SMC1B: variants seen among roughly 807,000 people sequenced by gnomAD.
The protein encoded by SMC1B is structural maintenance of chromosomes 1B.
In SMC1B, 60 loss-of-function variants were observed where a neutral mutation model predicts 157.9. The ratio of observed to expected loss-of-function variants is 0.38; its 90% CI spans 0.31 to 0.47. The LOEUF (loss-of-function observed/expected upper bound fraction) is 0.47, where lower values mean the gene tolerates loss of function less well. SMC1B is among the 20% of genes least tolerant of loss of function. SMC1B has a pLI of 0.99. For synonymous variants in SMC1B, 445 were observed against 483.0 expected, an observed-to-expected ratio of 0.92 and a Z score of 1.03; for missense variants, 1,165 against 1,426.2, an observed-to-expected ratio of 0.82 and a Z score of 2.95.
At position 45,375,742 on chromosome 22, in the gene SMC1B, T is replaced by G. The variant is rs766761813; in HGVS notation, c.2059-3450A>C. On this transcript the variant is annotated intron_variant, in intron 12 of 24. Coordinates refer to ENST00000357450, the MANE Select transcript of SMC1B (RefSeq NM_148674.5). ...TCCTGCCTTTAATTCATTAATAGAT[T>G]ATGATGATCACTTAAACACCCTTGT... is the stretch of plus-strand genomic sequence containing the variant. 7.5e-4 allele frequency among the ~76,000 whole-genome samples: 114 copies of G among 152,172 alleles called. 1 individual carries two copies. The highest frequency in any genetic ancestry group is 2.6e-4 in the Non-Finnish European group (18 of 68,018).
intron 4 of SMC1B, among the ~76,000 whole-genome samples, chr22:45,405,392 C>CA (rs527788072): frequency 0.01 from 1,521 of 148,582 alleles, 17 homozygotes; most frequent in African/African-American, 0.034. Flanking sequence ...ACTAAAAATA[C>CA]AAAAAAAAAA....
At chr22:45,360,738 G>C (rs905857358) in intron 17 of SMC1B, among the ~76,000 whole-genome samples, 1 of 152,138 alleles carries the variant, frequency 6.6e-6, no homozygotes, top group African/African-American at 2.4e-5. Context: ...CAAAATCTTA[G>C]ACAAAGAACT....
In SMC1B at chr22:45,353,612, T is replaced by G. The variant is rs6006734; in HGVS notation, c.3273+366A>C. 7.3e-3 allele frequency among the ~76,000 whole-genome samples: 1,113 copies of G among 152,202 alleles called. 13 individuals are homozygous for G. The highest frequency in any genetic ancestry group is 0.026 in the African/African-American group (1,064 of 41,534). On this transcript the variant is annotated intron_variant, in intron 21 of 24. Coordinates refer to ENST00000357450, the MANE Select transcript of SMC1B (RefSeq NM_148674.5). ...CAGATGAACCATCTTCCCAGGATCC[T>G]CTATTATTCCACATTTACCACAGAA...
intron 15 of SMC1B, among the ~76,000 whole-genome samples, chr22:45,365,446 G>A (rs1038073693): frequency 1.3e-5 from 2 of 152,154 alleles, no homozygotes; most frequent in African/African-American, 4.8e-5. Flanking sequence ...GCTCACACCT[G>A]TAATCCCGGG....
chr22:45,374,317 T>A (rs2086864631), intron 12 of SMC1B, among the ~76,000 whole-genome samples: 1 of 151,996 alleles, frequency 6.6e-6, no homozygotes, highest in African/African-American at 2.4e-5. Context: ...GATGATCAAG[T>A]TGTCTCTAAT....
chr22:45,351,778 T>G (rs2086618004), intron 22 of SMC1B, among the ~76,000 whole-genome samples: 1 of 152,228 alleles, frequency 6.6e-6, no homozygotes, highest in Non-Finnish European at 1.5e-5. Flanking sequence ...ATCTGTACTT[T>G]AGATCTTCAT....
At chr22:45,358,844 A>G (rs1487933141) in intron 18 of SMC1B, 49 bp from the exon 19 acceptor site, 1 of 1,379,824 alleles carries the variant, frequency 7.2e-7, no homozygotes, top group Non-Finnish European at 1.0e-6. Flanking sequence ...TTGTTGTCTT[A>G]TATGGGAGTG....
chr22:45,352,738 G>A (rs2086627210), intron 21 of SMC1B, 136 bp from the exon 22 acceptor site: 2 of 847,058 alleles, frequency 2.4e-6, no homozygotes, highest in Non-Finnish European at 3.6e-6. Context: ...TATAAATAAT[G>A]TATTTAGTTC....
chr22:45,372,304 GA>G lies in SMC1B; in HGVS notation c.2059-13del. On this transcript the variant is annotated splice_polypyrimidine_tract_variant and intron_variant, in intron 12 of 24. Coordinates refer to ENST00000357450, the MANE Select transcript of SMC1B (RefSeq NM_148674.5). ...GTCTTCATTAAACCCTAAAAGGAAA[GA>G]AAAACATGAGAATATTTTATGATAG... 6.4e-7 allele frequency: 1 copy of G among 1,565,148 alleles called. No individual in the cohort carries two copies. The highest frequency in any genetic ancestry group is 8.6e-7 in the Non-Finnish European group (1 of 1,161,512).
intron 1 of SMC1B, among the ~76,000 whole-genome samples, chr22:45,409,315 G>C (rs2087300805): frequency 6.6e-6 from 1 of 152,132 alleles, no homozygotes; most frequent in Non-Finnish European, 1.5e-5. Context: ...TATAATCCTA[G>C]CACTTTGGCA....
At chr22:45,395,694 C>T (rs2087114919) in intron 7 of SMC1B, among the ~76,000 whole-genome samples, 1 of 152,102 alleles carries the variant, frequency 6.6e-6, no homozygotes, top group South Asian at 2.1e-4. Flanking sequence ...CCTGTCTCTA[C>T]TAAAAATACA....
intron 5 of SMC1B, among the ~76,000 whole-genome samples, chr22:45,401,526 A>T (rs1457182247): frequency 6.6e-6 from 1 of 152,264 alleles, no homozygotes; most frequent in Non-Finnish European, 1.5e-5. Context: ...CAGAATCTGC[A>T]TAATAAAAAA....
chr22:45,405,967 T>A (rs985509342), intron 4 of SMC1B, among the ~76,000 whole-genome samples: 1 of 152,324 alleles, frequency 6.6e-6, no homozygotes, highest in African/African-American at 2.4e-5. Flanking sequence ...TCTCTTCTAA[T>A]TGGTTGTGGA....
Position 45,345,639 on chromosome 22 carries a change from C to T in SMC1B, c.3496-70G>A, listed in dbSNP as rs2086543562. 3.3e-6 allele frequency: 3 copies of T among 904,312 alleles called. No homozygotes were observed. The Admixed American group carries it at 5.4e-5, about 16-fold the overall frequency. The allele number at this position is 904,312 out of a possible 1,614,324, so 56.0% of individuals were successfully genotyped here. On this transcript the variant is annotated intron_variant, in intron 23 of 24. Coordinates refer to ENST00000357450, the MANE Select transcript of SMC1B (RefSeq NM_148674.5). ...TGTCTGGGCTCTGGAGACAGTAATT[C>T]TGCATGTCTCTGAGTCTGGTCAGTT...
At chr22:45,402,210 A>C in intron 5 of SMC1B, 123 bp downstream of exon 5, 1 of 736,522 alleles carries the variant, frequency 1.4e-6, no homozygotes, top group Non-Finnish European at 2.3e-6. Flanking sequence ...TTTTCTGTAT[A>C]TCTAAAAGTA....
Position 45,354,139 on chromosome 22 carries a change from G to A in SMC1B, c.3119-7C>T. On this transcript the variant is annotated splice_region_variant and splice_polypyrimidine_tract_variant and intron_variant, in intron 20 of 24. Transcript: ENST00000357450. ...TTTCTGCTGGCCTCAAAAGCTAAGA[G>A]AGAATCAATGTTCTTTATTTTAGAG... 1.3e-6 allele frequency: 2 copies of A among 1,536,430 alleles called. No homozygotes were observed. The highest frequency in any genetic ancestry group is 1.7e-6 in the Non-Finnish European group (2 of 1,149,504).
intron 12 of SMC1B, among the ~76,000 whole-genome samples, chr22:45,374,957 A>T (rs1490907436): frequency 1.3e-5 from 2 of 152,208 alleles, no homozygotes; most frequent in Non-Finnish European, 2.9e-5. Flanking sequence ...CTGAGACCAG[A>T]GAATCATTTT....
intron 14 of SMC1B, 31 bp downstream of exon 14, chr22:45,371,440 A>G (rs556513903): frequency 2.8e-5 from 43 of 1,554,800 alleles, no homozygotes; most frequent in Non-Finnish European, 3.7e-5. Flanking sequence ...AACTACATAT[A>G]CCATTTAGGA....
At chr22:45,400,141 C>T (rs1354106162) in intron 5 of SMC1B, among the ~76,000 whole-genome samples, 1 of 152,080 alleles carries the variant, frequency 6.6e-6, no homozygotes. Flanking sequence ...GCTGAGAAAG[C>T]CTAGAAGCAA....
Sources: allele counts gnomAD v4.1 joint callset (sites outside exome capture counted in the v4.1 genomes callset), GRCh38; gene constraint gnomAD v4.1.1; transcripts MANE v1.5; gene names NCBI Gene and HGNC (gene_info 2026-07-23, HGNC 2026-07-21).